The following MYT1L variants were observed in gnomAD, a reference collection of about 807,000 sequenced individuals.
MYT1L encodes myelin transcription factor 1 like.
Under a neutral mutation model 126.7 loss-of-function variants are expected in MYT1L, and 12 were observed. The ratio of observed to expected loss-of-function variants is 0.09; its 90% CI spans 0.06 to 0.15. The LOEUF (loss-of-function observed/expected upper bound fraction) is 0.15, where lower values mean the gene tolerates loss of function less well. Among genes scored for constraint, MYT1L ranks in the 10% least tolerant of loss-of-function variants. The probability of loss-of-function intolerance (pLI) is 1.00; values close to 1 mark genes in which losing one functional copy is unlikely to be tolerated. For missense variants in MYT1L, 979 were observed against 1,585.2 expected (o/e 0.62, Z 6.49); for synonymous variants, 541 against 604.2 (o/e 0.90, Z 1.53).
chr2:1,923,890 T>C (rs1186213931), intron 9 of MYT1L, among the ~76,000 whole-genome samples: 1 of 152,252 alleles, frequency 6.6e-6, no homozygotes, highest in Non-Finnish European at 1.5e-5. Flanking sequence ...TTTATCATGA[T>C]ACACAGTGAA....
At chr2:1,810,171 G>A (rs2036369753) in intron 21 of MYT1L, 1 of 150,052 alleles carries the variant, frequency 6.7e-6, no homozygotes, top group South Asian at 2.1e-4. Context: ...CTGTCACCCA[G>A]GCTGGAGTGC....
At chr2:2,211,817 A>C (rs1255430454) in intron 2 of MYT1L, among the ~76,000 whole-genome samples, 54 of 150,018 alleles carry the variant, frequency 3.6e-4, no homozygotes, top group African/African-American at 1.2e-3. Flanking sequence ...AAAAAAAAAA[A>C]AAAACCAAAC....
chr2:2,136,992 C>T (rs1297471189), intron 3 of MYT1L, among the ~76,000 whole-genome samples: 3 of 152,180 alleles, frequency 2.0e-5, no homozygotes, highest in Non-Finnish European at 4.4e-5. Flanking sequence ...TCAGCAAAGT[C>T]TCAGGATACA....
chr2:2,323,271 T>C (rs1275257140), intron 1 of MYT1L, among the ~76,000 whole-genome samples: 1 of 152,158 alleles, frequency 6.6e-6, no homozygotes, highest in East Asian at 1.9e-4. Context: ...TTCTGTCAAA[T>C]ATTCACTGTT....
intron 1 of MYT1L, among the ~76,000 whole-genome samples, chr2:2,312,048 AAG>A (rs149013924): frequency 1.2e-3 from 184 of 152,296 alleles, no homozygotes; most frequent in African/African-American, 4.3e-3. Context: ...GGTGACAGTG[AAG>A]AGAGACTGCA....
intron 21 of MYT1L, among the ~76,000 whole-genome samples, chr2:1,819,351 G>T (rs1438301421): frequency 1.3e-5 from 2 of 152,250 alleles, no homozygotes; most frequent in African/African-American, 4.8e-5. Context: ...GCAGTGGTGA[G>T]CTGCTGTAAA....
intron 2 of MYT1L, among the ~76,000 whole-genome samples, chr2:2,240,166 C>G (rs1015332806): frequency 1.3e-5 from 2 of 152,084 alleles, no homozygotes; most frequent in Non-Finnish European, 2.9e-5. Flanking sequence ...AGGCACGTGG[C>G]ACAGACCTCT....
At chr2:2,288,766 C>A (rs1423250750) in intron 1 of MYT1L, among the ~76,000 whole-genome samples, 2 of 152,116 alleles carry the variant, frequency 1.3e-5, no homozygotes, top group African/African-American at 4.8e-5. Context: ...GTTAATTTTA[C>A]AATGAGCTAC....
At chr2:1,939,487 C>T (rs564726093) in intron 9 of MYT1L, among the ~76,000 whole-genome samples, 9 of 152,322 alleles carry the variant, frequency 5.9e-5, no homozygotes, top group Admixed American at 4.6e-4. Context: ...CCCGTACTTA[C>T]GCTGCACATC....
chr2:2,196,492 A>G (rs2092803335), intron 2 of MYT1L, among the ~76,000 whole-genome samples: 1 of 151,564 alleles, frequency 6.6e-6, no homozygotes, highest in African/African-American at 2.4e-5. Context: ...AATTTAGTGT[A>G]TTTATAATAA....
rs1048032992 is a variant in MYT1L, at chr2:1,863,554, G to A, written c.2712-11851C>T. Among the ~76,000 whole-genome samples the A allele has an allele frequency of 3.6e-5, 5 of 137,286 alleles. No homozygotes were observed. In the South Asian group the frequency reaches 8.7e-4, roughly 24 times the overall value. 90.1% of individuals were successfully genotyped at this position (137,286 alleles called of 152,430 possible). ...CCACGCTTGCAGAGTACTGTCCCGC[G>A]CCAGCCCGACCCCCGGAAGGATAGA... is the stretch of plus-strand genomic sequence containing the variant. On this transcript the variant is annotated intron_variant, in intron 18 of 24. Transcript: ENST00000647738.
At chr2:2,137,146 C>G (rs2083175737) in intron 3 of MYT1L, among the ~76,000 whole-genome samples, 1 of 152,112 alleles carries the variant, frequency 6.6e-6, no homozygotes, top group African/African-American at 2.4e-5. Flanking sequence ...CGTGAAGGAC[C>G]TCTTCAAGGA....
chr2:2,310,368 T>C (rs2095945906), intron 1 of MYT1L, among the ~76,000 whole-genome samples: 1 of 152,194 alleles, frequency 6.6e-6, no homozygotes, highest in South Asian at 2.1e-4. Context: ...TTCAGTATAC[T>C]CTATCTAAAC....
At chr2:1,988,525 G>A (rs911226789) in intron 5 of MYT1L, among the ~76,000 whole-genome samples, 2 of 152,216 alleles carry the variant, frequency 1.3e-5, no homozygotes, top group Non-Finnish European at 2.9e-5. Flanking sequence ...CCTGTGCACC[G>A]TGCGGGGCAG....
intron 21 of MYT1L, among the ~76,000 whole-genome samples, chr2:1,813,992 A>G (rs1304628804): frequency 7.4e-6 from 1 of 134,724 alleles, no homozygotes; most frequent in Non-Finnish European, 1.6e-5. Context: ...GCGCCACTGC[A>G]CTCCAGCCTG....
At chr2:2,215,162 C>T (rs2093642219) in intron 2 of MYT1L, among the ~76,000 whole-genome samples, 1 of 151,982 alleles carries the variant, frequency 6.6e-6, no homozygotes, top group Non-Finnish European at 1.5e-5. Flanking sequence ...AAATAAAGAA[C>T]AGATGGGATA....
chr2:1,808,048 C>G (rs1473552919), intron 22 of MYT1L, among the ~76,000 whole-genome samples: 1 of 152,086 alleles, frequency 6.6e-6, no homozygotes, highest in Non-Finnish European at 1.5e-5. Context: ...TGAAGAAGGA[C>G]ACATTTGCTT....
intron 2 of MYT1L, among the ~76,000 whole-genome samples, chr2:2,253,412 C>G (rs888094687): frequency 7.9e-5 from 12 of 152,234 alleles, no homozygotes; most frequent in Admixed American, 6.5e-5. Flanking sequence ...CCACACAGAG[C>G]ATTGCTCAGC....
At chr2:1,965,566 A>G (rs934688053) in intron 8 of MYT1L, among the ~76,000 whole-genome samples, 5 of 152,236 alleles carry the variant, frequency 3.3e-5, no homozygotes, top group Admixed American at 1.3e-4. Flanking sequence ...GGGATGGGGT[A>G]GGCTGGAGAC....
Sources: allele counts gnomAD v4.1 joint callset (sites outside exome capture counted in the v4.1 genomes callset), GRCh38; gene constraint gnomAD v4.1.1; transcripts MANE v1.5; gene names NCBI Gene and HGNC (gene_info 2026-07-23, HGNC 2026-07-21).